The following ASIC2 variants were observed in gnomAD, a reference collection of about 807,000 sequenced individuals.
ASIC2 encodes acid sensing ion channel subunit 2, also known as acid-sensing ion channel 2.
ASIC2 carries 25 observed loss-of-function variants against 57.3 expected under a neutral mutation model. The observed-to-expected ratio is 0.44, with a 90% CI of 0.32 to 0.61. The LOEUF (loss-of-function observed/expected upper bound fraction) is 0.61. Among genes scored for constraint, ASIC2 ranks in the 20% least tolerant of loss-of-function variants. ASIC2 has a pLI of 0.06. For synonymous variants in ASIC2, 319 were observed against 307.5 expected (o/e 1.04, Z -0.39); for missense variants, 641 against 738.1 (o/e 0.87, Z 1.52).
chr17:33,210,075 A>AT (rs1375832061), intron 1 of ASIC2, among the ~76,000 whole-genome samples: 1 of 152,168 alleles, frequency 6.6e-6, no homozygotes, highest in African/African-American at 2.4e-5. Flanking sequence ...ACTGGGGGTC[A>AT]TTTACAGTCT....
intron 1 of ASIC2, among the ~76,000 whole-genome samples, chr17:33,529,345 G>T (rs941429416): frequency 1.4e-4 from 22 of 152,102 alleles, no homozygotes; most frequent in African/African-American, 4.6e-4. Context: ...CTGATTCTGT[G>T]GTACACCTGG....
intron 1 of ASIC2, among the ~76,000 whole-genome samples, chr17:33,609,678 G>T (rs1346952317): frequency 6.6e-6 from 1 of 152,172 alleles, no homozygotes; most frequent in Non-Finnish European, 1.5e-5. Context: ...CTTCCAAAAT[G>T]TAAGCTCTGT....
chr17:33,921,569 G>T (rs148210771), intron 1 of ASIC2, among the ~76,000 whole-genome samples: 1 of 152,092 alleles, frequency 6.6e-6, no homozygotes, highest in East Asian at 1.9e-4. Context: ...GGTGGGGCAG[G>T]ACTGGGGCAG....
chr17:33,357,320 A>G (rs1293347839), intron 1 of ASIC2, among the ~76,000 whole-genome samples: 2 of 152,122 alleles, frequency 1.3e-5, no homozygotes, highest in African/African-American at 4.8e-5. Context: ...CCTATTTTTC[A>G]TATCAGGAAG....
chr17:33,027,257 G>A (rs2091863121), intron 4 of ASIC2, among the ~76,000 whole-genome samples: 1 of 152,156 alleles, frequency 6.6e-6, no homozygotes, highest in African/African-American at 2.4e-5. Context: ...GGCTGGAAAA[G>A]GGGGGTTGAT....
chr17:33,285,178 G>T (rs78024528), intron 1 of ASIC2, among the ~76,000 whole-genome samples: 1 of 152,194 alleles, frequency 6.6e-6, no homozygotes, highest in Admixed American at 6.5e-5. Context: ...TGATGCCTTC[G>T]TGACTGGCCA....
At chr17:33,044,960 G>A (rs934425050) in intron 3 of ASIC2, among the ~76,000 whole-genome samples, 4 of 152,166 alleles carry the variant, frequency 2.6e-5, no homozygotes, top group Admixed American at 1.3e-4. Flanking sequence ...AGTGGGAAAT[G>A]TGTTCTGGGT....
intron 1 of ASIC2, among the ~76,000 whole-genome samples, chr17:33,489,048 C>T (rs1913668138): frequency 6.6e-6 from 1 of 152,146 alleles, no homozygotes; most frequent in Non-Finnish European, 1.5e-5. Flanking sequence ...CCTGCCCTTC[C>T]AGCCTAAGAG....
chr17:33,476,490 A>G (rs1301414753), intron 1 of ASIC2, among the ~76,000 whole-genome samples: 1 of 114,650 alleles, frequency 8.7e-6, no homozygotes, highest in Non-Finnish European at 1.8e-5. Context: ...AACCTTTTGC[A>G]AAGTGTGTGT....
At chr17:33,796,810 T>G (rs1462340026) in intron 1 of ASIC2, among the ~76,000 whole-genome samples, 1 of 152,176 alleles carries the variant, frequency 6.6e-6, no homozygotes, top group Non-Finnish European at 1.5e-5. Context: ...GATTAAGGGA[T>G]GGGAACCCTG....
Position 33,407,130 on chromosome 17 carries a change from A to T in ASIC2, c.556-295063T>A, listed in dbSNP as rs578027791. Reference sequence around the variant, plus strand: ...AATATTATCTACTTTAGCAGGTGGGAGGAAAAGAGATAATGATAGCAATAG... The same window carrying T: ...AATATTATCTACTTTAGCAGGTGGGTGGAAAAGAGATAATGATAGCAATAG... On this transcript the variant is annotated intron_variant, in intron 1 of 9. Transcript: ENST00000359872. Among the ~76,000 whole-genome samples, 8 of 152,302 alleles carry T rather than the reference A, an allele frequency of 5.3e-5. 1 individual carries two copies. The South Asian group carries it at 1.7e-3, about 32-fold the overall frequency.
chr17:33,155,231 G>A (rs1208145621), intron 1 of ASIC2, among the ~76,000 whole-genome samples: 2 of 152,334 alleles, frequency 1.3e-5, no homozygotes, highest in Admixed American at 6.5e-5. Context: ...GGCTGACCAC[G>A]GCTGTTCCTG....
chr17:33,506,806 A>C (rs562410461), intron 1 of ASIC2, among the ~76,000 whole-genome samples: 1 of 152,336 alleles, frequency 6.6e-6, no homozygotes, highest in East Asian at 1.9e-4. Context: ...TAAATAAAAA[A>C]ACACCTCACC....
chr17:33,183,223 C>T (rs1185564012), intron 1 of ASIC2, among the ~76,000 whole-genome samples: 1 of 152,134 alleles, frequency 6.6e-6, no homozygotes, highest in African/African-American at 2.4e-5. Flanking sequence ...TTTATTTTTG[C>T]CAAAACAGTT....
At chr17:33,582,415 C>T (rs1380061204) in intron 1 of ASIC2, among the ~76,000 whole-genome samples, 2 of 152,110 alleles carry the variant, frequency 1.3e-5, no homozygotes, top group African/African-American at 2.4e-5. Flanking sequence ...TGTGTTCAAC[C>T]GAGAGGCAAG....
chr17:33,813,405 A>G (rs1414334532), intron 1 of ASIC2, among the ~76,000 whole-genome samples: 1 of 152,192 alleles, frequency 6.6e-6, no homozygotes, highest in Non-Finnish European at 1.5e-5. Flanking sequence ...CCAGCCCCAG[A>G]GTGCCAGCAT....
chr17:34,124,276 C>T (rs1911709093), intron 1 of ASIC2, among the ~76,000 whole-genome samples: 1 of 152,116 alleles, frequency 6.6e-6, no homozygotes, highest in African/African-American at 2.4e-5. Context: ...CTTACTATTA[C>T]TATCATATTT....
At chr17:33,731,091 AG>A (rs1229418955) in intron 1 of ASIC2, among the ~76,000 whole-genome samples, 1 of 152,200 alleles carries the variant, frequency 6.6e-6, no homozygotes, top group African/African-American at 2.4e-5. Context: ...TGAATGGATG[AG>A]GGTATGAATA....
chr17:34,037,782 G>A (rs1302871395), intron 1 of ASIC2: 8 of 1,614,070 alleles, frequency 5.0e-6, no homozygotes, highest in Non-Finnish European at 5.9e-6. Context: ...GCCAAGCATC[G>A]TCGAATCAAC....
Sources: allele counts gnomAD v4.1 joint callset (sites outside exome capture counted in the v4.1 genomes callset), GRCh38; gene constraint gnomAD v4.1.1; transcripts MANE v1.5; gene names NCBI Gene and HGNC (gene_info 2026-07-23, HGNC 2026-07-21).